The following NFAM1 variants were observed in gnomAD, a reference collection of about 807,000 sequenced individuals.
NFAM1 encodes NFAT activation molecule 1.
Under a neutral mutation model 29.0 loss-of-function variants are expected in NFAM1, and 17 were observed. The observed-to-expected ratio is 0.59, with a 90% CI of 0.40 to 0.88. The LOEUF is 0.88. Among genes scored for constraint, NFAM1 ranks in the 40% least tolerant of loss-of-function variants. NFAM1 has a pLI of 0.00. For synonymous variants in NFAM1, 175 were observed against 147.2 expected (o/e 1.19, Z -1.36); for missense variants, 324 against 344.6 (o/e 0.94, Z 0.47).
chr22:42,436,708 C>A (rs1161556675), upstream of NFAM1, among the ~76,000 whole-genome samples: 3 of 152,240 alleles, frequency 2.0e-5, no homozygotes, highest in African/African-American at 7.2e-5. Flanking sequence ...GTACTTCAGC[C>A]CTCATAGAAA....
intron 1 of NFAM1, among the ~76,000 whole-genome samples, chr22:42,423,725 CTT>C (rs368682615): frequency 4.2e-5 from 6 of 143,478 alleles, no homozygotes; most frequent in Non-Finnish European, 4.6e-5. Context: ...TCCCTCTTTT[CTT>C]TTTTTTTTTT....
At chr22:42,397,732 T>A in intron 4 of NFAM1, 126 bp downstream of exon 4, 1 of 659,316 alleles carries the variant, frequency 1.5e-6, no homozygotes, top group Non-Finnish European at 2.8e-6. Context: ...ATTTTATAGA[T>A]GAGGAACTTG....
upstream of NFAM1, among the ~76,000 whole-genome samples, chr22:42,435,440 C>T (rs368479730): frequency 9.2e-5 from 14 of 151,928 alleles, no homozygotes; most frequent in East Asian, 7.7e-4. Context: ...CTCTGCCTCC[C>T]GGGTTCAAGT....
chr22:42,400,582 A>C (rs1039632823), intron 3 of NFAM1, among the ~76,000 whole-genome samples: 1 of 152,180 alleles, frequency 6.6e-6, no homozygotes, highest in Non-Finnish European at 1.5e-5. Context: ...GCACCATTGC[A>C]CTCCAGCCTG....
intron 4 of NFAM1, among the ~76,000 whole-genome samples, chr22:42,391,945 C>CAAAAA (rs58006775): frequency 2.9e-5 from 2 of 68,962 alleles, no homozygotes; most frequent in African/African-American, 5.1e-5. Flanking sequence ...GACTCTGTCT[C>CAAAAA]AAAAAAAAAA....
At chr22:42,425,315 G>C (rs763556571) in intron 1 of NFAM1, among the ~76,000 whole-genome samples, 13 of 152,150 alleles carry the variant, frequency 8.5e-5, no homozygotes, top group African/African-American at 3.1e-4. Context: ...GATTCCTTCT[G>C]TGGGATCTGT....
chr22:42,410,979 C>G lies in NFAM1; in HGVS notation c.451+428G>C, dbSNP rs149546484. Among the ~76,000 whole-genome samples, 37 of 150,978 alleles carry G rather than the reference C, an allele frequency of 2.5e-4. 2 individuals are homozygous for G. The East Asian group carries it at 7.0e-3, about 29-fold the overall frequency. ...AGTGGGTCTGCCTGCTTTGCCAATG[C>G]TGGTAGACAAGGCAAACCATTCTCT... On this transcript the variant is annotated intron_variant, in intron 2 of 5. Coordinates refer to ENST00000329021, the MANE Select transcript of NFAM1 (RefSeq NM_145912.8).
intron 4 of NFAM1, 33 bp from the exon 5 acceptor site, chr22:42,387,111 A>G: frequency 7.7e-7 from 1 of 1,304,038 alleles, no homozygotes; most frequent in Non-Finnish European, 1.1e-6. Context: ...ATCAGGGGCA[A>G]GTGTGTAGAG....
intron 1 of NFAM1, among the ~76,000 whole-genome samples, chr22:42,430,556 CAAAAAAAAAAA>C (rs10684230): frequency 1.4e-5 from 1 of 73,002 alleles, no homozygotes; most frequent in African/African-American, 5.5e-5. Context: ...GTGAAACTCT[CAAAAAAAAAAA>C]AAAAAAAAAA....
intron 1 of NFAM1, among the ~76,000 whole-genome samples, chr22:42,423,404 C>T (rs960226187): frequency 4.6e-5 from 7 of 152,104 alleles, no homozygotes; most frequent in Non-Finnish European, 1.0e-4. Flanking sequence ...TCTTTAGGTA[C>T]CCCTACCACC....
At chr22:42,399,892 G>A (rs926219500) in intron 3 of NFAM1, among the ~76,000 whole-genome samples, 1 of 152,212 alleles carries the variant, frequency 6.6e-6, no homozygotes, top group Non-Finnish European at 1.5e-5. Flanking sequence ...TACTTAACTC[G>A]CAGGCAGAAG....
upstream of NFAM1, among the ~76,000 whole-genome samples, chr22:42,434,567 C>G (rs970523490): frequency 5.3e-5 from 8 of 152,194 alleles, no homozygotes; most frequent in African/African-American, 1.9e-4. Context: ...GCTGTCGGGG[C>G]CTCGTGTCTG....
chr22:42,411,785 C>A, intron 1 of NFAM1, 49 bp from the exon 2 acceptor site: 2 of 1,325,222 alleles, frequency 1.5e-6, no homozygotes, highest in Non-Finnish European at 1.1e-6. Flanking sequence ...GAGGCTGCCT[C>A]AGTCCCACCC....
intron 1 of NFAM1, among the ~76,000 whole-genome samples, chr22:42,431,796 CGCTCTCCCT>C (rs1930808492): frequency 6.6e-6 from 1 of 150,532 alleles, no homozygotes; most frequent in Admixed American, 6.6e-5. Flanking sequence ...CCCCTCTCCC[CGCTCTCCCT>C]GGCCAATGCC....
At chr22:42,400,506 T>C (rs1262181419) in intron 3 of NFAM1, among the ~76,000 whole-genome samples, 1 of 152,188 alleles carries the variant, frequency 6.6e-6, no homozygotes, top group Non-Finnish European at 1.5e-5. Flanking sequence ...TAGTCCCAGC[T>C]ACTCGGGAGG....
intron 1 of NFAM1, among the ~76,000 whole-genome samples, chr22:42,417,892 GTTTGT>G (rs1388620872): frequency 2.6e-5 from 4 of 152,180 alleles, no homozygotes; most frequent in African/African-American, 4.8e-5. Context: ...GGGCTTGGCT[GTTTGT>G]TTTGAGTCTT....
intron 1 of NFAM1, among the ~76,000 whole-genome samples, chr22:42,412,073 A>T (rs537717496): frequency 6.6e-6 from 1 of 152,298 alleles, no homozygotes; most frequent in South Asian, 2.1e-4. Context: ...CTCTATTAAA[A>T]ATACAAAGAT....
intron 3 of NFAM1, among the ~76,000 whole-genome samples, chr22:42,408,184 G>A (rs999504405): frequency 5.9e-5 from 9 of 152,228 alleles, no homozygotes; most frequent in Admixed American, 2.6e-4. Context: ...ATGAGCCACC[G>A]TGCTCAGCCT....
At position 42,390,903 on chromosome 22, in the gene NFAM1, C is replaced by T. The variant is rs1010138054; in HGVS notation, c.664-3825G>A. ...GCGGAGGGAATAGCCAGCACAGAGG[C>T]CCAGGGCGCTGACCTTGACCCTTGG... On this transcript the variant is annotated intron_variant, in intron 4 of 5. Coordinates refer to ENST00000329021, the MANE Select transcript of NFAM1 (RefSeq NM_145912.8). 2.0e-5 allele frequency among the ~76,000 whole-genome samples: 3 copies of T among 151,942 alleles called. No homozygotes were observed. The East Asian group carries it at 5.8e-4, about 29-fold the overall frequency.
Sources: allele counts gnomAD v4.1 joint callset (sites outside exome capture counted in the v4.1 genomes callset), GRCh38; gene constraint gnomAD v4.1.1; transcripts MANE v1.5; gene names NCBI Gene and HGNC (gene_info 2026-07-23, HGNC 2026-07-21).